Variants in MAST4 observed in about 807,000 individuals in gnomAD.
MAST4 encodes microtubule associated serine/threonine kinase family member 4.
In MAST4, 89 loss-of-function variants were observed where a neutral mutation model predicts 162.7. That is an observed-to-expected ratio of 0.55 (90% CI 0.46 to 0.65). The LOEUF is 0.65. Among genes scored for constraint, MAST4 ranks in the 30% least tolerant of loss-of-function variants. The pLI is 0.00. For synonymous variants in MAST4, 1,479 were observed against 1,361.1 expected (o/e 1.09, Z -1.91); for missense variants, 3,153 against 3,374.0 (o/e 0.93, Z 1.62).
intron 19 of MAST4, among the ~76,000 whole-genome samples, chr5:67,137,918 A>G (rs540080331): frequency 2.0e-5 from 3 of 152,368 alleles, no homozygotes; most frequent in African/African-American, 7.2e-5. Context: ...ACCCTGCATT[A>G]GAGAATCCAA....
At chr5:66,677,032 C>T (rs548233191) in intron 1 of MAST4, among the ~76,000 whole-genome samples, 1 of 152,276 alleles carries the variant, frequency 6.6e-6, no homozygotes, top group South Asian at 2.1e-4. Flanking sequence ...AGATTTGCAG[C>T]CTGCATGATC....
chr5:66,818,070 A>G (rs79259698), intron 3 of MAST4, among the ~76,000 whole-genome samples: 1 of 152,186 alleles, frequency 6.6e-6, no homozygotes, highest in Non-Finnish European at 1.5e-5. Context: ...TTTAAAGACA[A>G]CATTTAATAG....
At chr5:66,612,534 G>T (rs140780221) in intron 1 of MAST4, among the ~76,000 whole-genome samples, 424 of 152,276 alleles carry the variant, frequency 2.8e-3, no homozygotes, top group Non-Finnish European at 5.0e-3. Context: ...TGGGTGGGGA[G>T]GGAAGGAAGA....
chr5:66,969,716 G>T (rs188257652), intron 4 of MAST4, among the ~76,000 whole-genome samples: 1 of 152,168 alleles, frequency 6.6e-6, no homozygotes, highest in Non-Finnish European at 1.5e-5. Context: ...CAAACACATG[G>T]CAGTATGTTG....
In MAST4 at chr5:67,166,564, C is replaced by G. The variant is rs779240114; in HGVS notation, c.7385C>G (p.Ser2462Cys). Residue 2462 changes from serine (S) to cysteine (C), a missense_variant, in exon 29 of 29, where the codon TCC becomes TGC. Physicochemically the swap from Ser to Cys is moderately radical, Grantham distance 112 (BLOSUM62 -1). Transcript: ENST00000403625. ...CTCCCGGAAAAGTCTCTGAGCTGCT[C>G]CTCCAGCTTCCCTGAAACCAGGGCC... is the stretch of plus-strand genomic sequence containing the variant. ...TALPEKSLSC[S>C]SSFPETRAGV... is the part of the protein sequence containing the mutation. 11 of 1,605,640 alleles carry G rather than the reference C, an allele frequency of 6.9e-6. No individual in the cohort carries two copies. Among genetic ancestry groups the G allele is most frequent in the Non-Finnish European group, 9.4e-6 (11 of 1,176,360 alleles).
intron 3 of MAST4, among the ~76,000 whole-genome samples, chr5:66,887,787 G>A (rs1260857904): frequency 1.3e-5 from 2 of 152,236 alleles, no homozygotes; most frequent in African/African-American, 2.4e-5. Flanking sequence ...AGCCACAGCT[G>A]TACTAGTTTT....
At chr5:66,774,138 G>A (rs866088608) in intron 2 of MAST4, among the ~76,000 whole-genome samples, 181 of 152,274 alleles carry the variant, frequency 1.2e-3, no homozygotes, top group African/African-American at 4.2e-3. Context: ...GTATGTCATT[G>A]ACCTTTTATT....
chr5:67,054,338 G>A, intron 4 of MAST4, 66 bp from the exon 5 acceptor site: 5 of 1,356,206 alleles, frequency 3.7e-6, no homozygotes, highest in Non-Finnish European at 5.1e-6. Context: ...TGTCTACCGG[G>A]AACATGGTTG....
At chr5:66,812,187 T>C (rs138364716) in intron 3 of MAST4, among the ~76,000 whole-genome samples, 1 of 152,198 alleles carries the variant, frequency 6.6e-6, no homozygotes, top group South Asian at 2.1e-4. Flanking sequence ...AGCTGACCGC[T>C]GAGCCACACC....
At chr5:66,848,176 T>A (rs1052530710) in intron 3 of MAST4, among the ~76,000 whole-genome samples, 1 of 152,194 alleles carries the variant, frequency 6.6e-6, no homozygotes, top group African/African-American at 2.4e-5. Flanking sequence ...AATTTTTATT[T>A]TGGTGTCAAA....
At chr5:67,092,930 A>C (rs925791124) in intron 6 of MAST4, among the ~76,000 whole-genome samples, 1 of 152,170 alleles carries the variant, frequency 6.6e-6, no homozygotes, top group Non-Finnish European at 1.5e-5. Flanking sequence ...GTAACCTCCC[A>C]GTTACACCTT....
intron 10 of MAST4, among the ~76,000 whole-genome samples, chr5:67,105,371 A>G (rs566317873): frequency 3.1e-4 from 47 of 152,334 alleles, no homozygotes; most frequent in Admixed American, 2.0e-4. Context: ...CTGAAGGAAA[A>G]TATTAGCATC....
At chr5:66,897,193 A>G (rs1036821110) in intron 3 of MAST4, among the ~76,000 whole-genome samples, 1 of 152,070 alleles carries the variant, frequency 6.6e-6, no homozygotes, top group East Asian at 1.9e-4. Flanking sequence ...TCCTCCTCCA[A>G]TTCTTACGTG....
chr5:66,767,170 CGTGT>C (rs60766673), intron 2 of MAST4, among the ~76,000 whole-genome samples: 15,955 of 139,332 alleles, frequency 0.11, 936 homozygotes, highest in Admixed American at 0.19. Context: ...GTAAAGTGCA[CGTGT>C]GTGTGTGTGT....
At chr5:66,714,691 T>G (rs1464138450) in intron 1 of MAST4, among the ~76,000 whole-genome samples, 1 of 152,270 alleles carries the variant, frequency 6.6e-6, no homozygotes, top group African/African-American at 2.4e-5. Context: ...CTTTTTCTGC[T>G]GTTACTGCTT....
At chr5:67,077,826 G>T (rs955000066) in intron 5 of MAST4, among the ~76,000 whole-genome samples, 4 of 152,274 alleles carry the variant, frequency 2.6e-5, no homozygotes, top group South Asian at 4.1e-4. Flanking sequence ...AAGGACAGGT[G>T]CAGTGGCTCA....
intron 21 of MAST4, among the ~76,000 whole-genome samples, chr5:67,143,420 A>C (rs1770664027): frequency 6.6e-6 from 1 of 152,182 alleles, no homozygotes; most frequent in South Asian, 2.1e-4. Flanking sequence ...GTTAAAAAAA[A>C]CAATTAATCA....
Position 66,822,466 on chromosome 5 carries a change from T to G in MAST4, c.642+33672T>G, listed in dbSNP as rs1757041365. ...CTTGGTTTTGTGGAATCCACTTGAT[T>G]GTAAATAAATGTGTTATATTTAGGA... On this transcript the variant is annotated intron_variant, in intron 3 of 28. Coordinates refer to ENST00000403625, the MANE Select transcript of MAST4 (RefSeq NM_001164664.2). 2.0e-5 allele frequency among the ~76,000 whole-genome samples: 3 copies of G among 152,340 alleles called. 1 individual carries two copies. The highest frequency in any genetic ancestry group is 3.4e-3 in the Middle Eastern group (1 of 294).
chr5:67,061,197 A>G (rs527352106), intron 5 of MAST4, among the ~76,000 whole-genome samples: 3 of 152,182 alleles, frequency 2.0e-5, no homozygotes, highest in Middle Eastern at 3.4e-3. Flanking sequence ...TGTGACTGAA[A>G]TGCCTATGTT....
Sources: allele counts gnomAD v4.1 joint callset (sites outside exome capture counted in the v4.1 genomes callset), GRCh38; gene constraint gnomAD v4.1.1; transcripts MANE v1.5; gene names NCBI Gene and HGNC (gene_info 2026-07-23, HGNC 2026-07-21).